Variants in FBXO34 observed in about 807,000 individuals in gnomAD.
The protein encoded by FBXO34 is F-box only protein 34.
FBXO34 carries 12 observed loss-of-function variants against 24.5 expected under a neutral mutation model. That is an observed-to-expected ratio of 0.49 (90% CI 0.31 to 0.79). The LOEUF is 0.79. FBXO34 is among the 30% of genes least tolerant of loss of function. FBXO34 has a pLI of 0.04. For missense variants in FBXO34, 823 were observed against 857.7 expected (o/e 0.96, Z 0.51); for synonymous variants, 320 against 311.9 (o/e 1.03, Z -0.27).
At chr14:55,280,378 TA>T (rs1453179508) in intron 1 of FBXO34, among the ~76,000 whole-genome samples, 2 of 152,142 alleles carry the variant, frequency 1.3e-5, no homozygotes, top group Admixed American at 6.6e-5. Context: ...GTGTACAGAT[TA>T]TTTTTTTCTT....
Position 55,284,994 on chromosome 14 carries a change from A to G in FBXO34, c.-11+13457A>G, listed in dbSNP as rs760795293. Among the ~76,000 whole-genome samples, 29 of 148,898 alleles carry G rather than the reference A, an allele frequency of 1.9e-4. 1 individual carries two copies. The highest frequency in any genetic ancestry group is 4.9e-4 in the African/African-American group (20 of 41,122). ...TGTTTATCTTGCTTTTAATTGTCCT[A>G]TTTTAAAATGCAGAGAACATTCTCT... On this transcript the variant is annotated intron_variant, in intron 1 of 1. Transcript: ENST00000313833.
At chr14:55,373,523 G>A (rs1252457625), downstream of FBXO34, among the ~76,000 whole-genome samples, 1 of 152,058 alleles carries the variant, frequency 6.6e-6, no homozygotes, top group South Asian at 2.1e-4. Context: ...GTAGCAGCAC[G>A]ATCTCAGCTC....
At chr14:55,426,272 A>AT in the FBXO34 span, among the ~76,000 whole-genome samples, 2 of 151,800 alleles carry the variant, frequency 1.3e-5, no homozygotes, top group African/African-American at 4.8e-5. Context: ...CATCTCAAAA[A>AT]AAAAAAATAA....
chr14:55,304,182 G>T (rs1882460168), intron 1 of FBXO34, among the ~76,000 whole-genome samples: 2 of 152,022 alleles, frequency 1.3e-5, no homozygotes, highest in Admixed American at 1.3e-4. Flanking sequence ...TTTTACTATG[G>T]TAACCTCATT....
At chr14:55,441,267 C>T in the FBXO34 span, among the ~76,000 whole-genome samples, 42 of 152,334 alleles carry the variant, frequency 2.8e-4, no homozygotes, top group African/African-American at 9.9e-4. Flanking sequence ...CCTCAGCCTC[C>T]CTAGCAGTTG....
At chr14:55,377,936 T>G in the FBXO34 span, 1 of 1,592,852 alleles carries the variant, frequency 6.3e-7, no homozygotes, top group Non-Finnish European at 8.5e-7. Flanking sequence ...GTTAATATTT[T>G]CAACTATTTA....
chr14:55,381,917 T>G, the FBXO34 span: 2 of 1,530,858 alleles, frequency 1.3e-6, no homozygotes, highest in East Asian at 4.5e-5. Flanking sequence ...ATTTTACCTA[T>G]AACTCTCTCT....
intron 3 of FBXO34, among the ~76,000 whole-genome samples, chr14:55,359,756 C>T (rs1209392805): frequency 6.6e-6 from 1 of 152,104 alleles, no homozygotes; most frequent in Non-Finnish European, 1.5e-5. Context: ...TCAAACCTCT[C>T]TGTTGTCATT....
At chr14:55,439,715 G>T in the FBXO34 span, among the ~76,000 whole-genome samples, 2 of 151,592 alleles carry the variant, frequency 1.3e-5, no homozygotes, top group East Asian at 3.9e-4. Flanking sequence ...TGGATCACGA[G>T]GTCAGGAGAT....
At chr14:55,279,741 A>G (rs538746860) in intron 1 of FBXO34, among the ~76,000 whole-genome samples, 1 of 152,222 alleles carries the variant, frequency 6.6e-6, no homozygotes, top group Non-Finnish European at 1.5e-5. Context: ...TAGTTTAGCC[A>G]GCCTGGGCCT....
At chr14:55,358,420 G>T (rs1317975883), downstream of FBXO34, among the ~76,000 whole-genome samples, 1 of 152,148 alleles carries the variant, frequency 6.6e-6, no homozygotes, top group East Asian at 1.9e-4. Flanking sequence ...AACACAGAGA[G>T]CCCTCCTGCA....
chr14:55,372,919 C>T (rs1440835631), downstream of FBXO34, among the ~76,000 whole-genome samples: 2 of 152,138 alleles, frequency 1.3e-5, no homozygotes, highest in Admixed American at 6.6e-5. Flanking sequence ...CAATGAAAAG[C>T]GACTGAATGG....
intron 1 of FBXO34, chr14:55,272,022 A>G (rs1350439368): frequency 6.6e-6 from 1 of 152,230 alleles, no homozygotes. Flanking sequence ...TTCAACGACG[A>G]GGCGGGACGG....
At chr14:55,279,347 G>A (rs1172793317) in intron 1 of FBXO34, among the ~76,000 whole-genome samples, 1 of 151,710 alleles carries the variant, frequency 6.6e-6, no homozygotes, top group Non-Finnish European at 1.5e-5. Flanking sequence ...GTGGTGATGA[G>A]TATTATTACT....
chr14:55,350,531 C>T lies in FBXO34; in HGVS notation c.141C>T (p.Val47=), dbSNP rs1163528495. 17 of 1,613,834 alleles carry T rather than the reference C, an allele frequency of 1.1e-5. No homozygotes were observed. The highest frequency in any genetic ancestry group is 1.3e-5 in the Non-Finnish European group (15 of 1,179,994). The change falls in exon 2 of 2, where the codon GTC becomes GTT. Residue 47 remains valine (V), a synonymous_variant. Coordinates refer to ENST00000313833, the MANE Select transcript of FBXO34 (RefSeq NM_017943.4). ...TCKASHITSS[V]FPSASLGKAS... is the part of the protein sequence containing the mutation. Reference sequence around the variant, plus strand: ...AAGCTAGCCACATAACATCAAGTGTCTTTCCTTCAGCCTCTCTCGGTAAAG... The same window carrying T: ...AAGCTAGCCACATAACATCAAGTGTTTTTCCTTCAGCCTCTCTCGGTAAAG...
At chr14:55,353,738 G>A (rs955444894), downstream of FBXO34, 2 of 161,692 alleles carry the variant, frequency 1.2e-5, no homozygotes, top group Admixed American at 6.5e-5. Context: ...TTTCTGCCAC[G>A]GAAGAGGCCA....
intron 1 of FBXO34, among the ~76,000 whole-genome samples, chr14:55,333,605 A>G (rs906630882): frequency 6.6e-6 from 1 of 152,212 alleles, no homozygotes; most frequent in African/African-American, 2.4e-5. Context: ...ATGTTTTTAT[A>G]ACATAAACCT....
chr14:55,355,236 T>G (rs1884502837), downstream of FBXO34: 2 of 152,280 alleles, frequency 1.3e-5, no homozygotes, highest in Non-Finnish European at 2.9e-5. Context: ...AGAGTAACAT[T>G]TGCTTTTTTA....
chr14:55,277,180 C>T (rs1881371608), intron 1 of FBXO34, among the ~76,000 whole-genome samples: 1 of 152,224 alleles, frequency 6.6e-6, no homozygotes. Context: ...TAATCTCCTG[C>T]AATCATATTT....
Sources: gnomAD v4.1 joint callset for allele counts (sites outside exome capture counted in the v4.1 genomes callset) on GRCh38, gnomAD v4.1.1 for gene constraint, MANE v1.5 for transcripts, NCBI Gene and HGNC (gene_info 2026-07-23, HGNC 2026-07-21) for gene names.